CSMD3: variants seen among roughly 807,000 people sequenced by gnomAD.
CSMD3 encodes CUB and sushi domain-containing protein 3.
CSMD3 carries 177 observed loss-of-function variants against 435.2 expected under a neutral mutation model. That is an observed-to-expected ratio of 0.41 (90% CI 0.36 to 0.46). CSMD3 has a LOEUF of 0.46. Among genes scored for constraint, CSMD3 ranks in the 20% least tolerant of loss-of-function variants. The pLI is 0.34. For missense variants in CSMD3, 4,265 were observed against 4,504.6 expected (o/e 0.95, Z 1.52); for synonymous variants, 1,656 against 1,520.5 (o/e 1.09, Z -2.07).
intron 3 of CSMD3, among the ~76,000 whole-genome samples, chr8:113,248,893 T>A (rs1346382647): frequency 2.6e-5 from 4 of 151,962 alleles, no homozygotes; most frequent in Non-Finnish European, 5.9e-5. Flanking sequence ...AACTGTCAAC[T>A]TTCCTGACAA....
At chr8:112,541,390 G>A (rs558041173) in intron 27 of CSMD3, among the ~76,000 whole-genome samples, 1 of 151,766 alleles carries the variant, frequency 6.6e-6, no homozygotes, top group African/African-American at 2.4e-5. Flanking sequence ...CAAGAAAAAT[G>A]AGATAAGACT....
intron 13 of CSMD3, among the ~76,000 whole-genome samples, chr8:112,770,062 T>A (rs976177333): frequency 6.6e-6 from 1 of 152,014 alleles, no homozygotes; most frequent in Admixed American, 6.6e-5. Flanking sequence ...GCTTTCAAAT[T>A]ATTGCAAATA....
intron 3 of CSMD3, among the ~76,000 whole-genome samples, chr8:113,241,392 G>A (rs1010177096): frequency 1.1e-4 from 16 of 151,922 alleles, no homozygotes; most frequent in African/African-American, 3.9e-4. Flanking sequence ...GTGGGTCCCT[G>A]AAAAGATAAG....
chr8:112,768,875 A>G (rs1358339694), intron 13 of CSMD3, among the ~76,000 whole-genome samples: 1 of 151,860 alleles, frequency 6.6e-6, no homozygotes, highest in Admixed American at 6.6e-5. Context: ...TTAAATCAGT[A>G]GTCAGTTTTC....
intron 56 of CSMD3, among the ~76,000 whole-genome samples, chr8:112,290,817 T>C (rs570559576): frequency 1.3e-5 from 2 of 152,032 alleles, no homozygotes; most frequent in Non-Finnish European, 2.9e-5. Context: ...TCTAGTTCAA[T>C]TTGAGGCCTA....
chr8:113,310,984 C>T (rs1273522032), intron 2 of CSMD3: 1 of 151,824 alleles, frequency 6.6e-6, no homozygotes, highest in East Asian at 1.9e-4. Context: ...ATTCTAATCA[C>T]ACATTAGACA....
chr8:113,376,959 A>G, intron 1 of CSMD3: 1 of 1,410,948 alleles, frequency 7.1e-7, no homozygotes, highest in Non-Finnish European at 9.5e-7. Flanking sequence ...AGGTGCCCAA[A>G]CTAAAGGTGT....
chr8:112,582,801 C>T (rs551912587), intron 23 of CSMD3, among the ~76,000 whole-genome samples: 2 of 151,912 alleles, frequency 1.3e-5, no homozygotes, highest in Non-Finnish European at 2.9e-5. Flanking sequence ...GGGCAGAGTT[C>T]GTAAATGGAA....
At chr8:112,875,288 C>T (rs866289568) in intron 10 of CSMD3, among the ~76,000 whole-genome samples, 8 of 152,168 alleles carry the variant, frequency 5.3e-5, no homozygotes, top group Non-Finnish European at 4.4e-5. Flanking sequence ...GAGAGTTCCA[C>T]CGTTAGTCTA....
chr8:112,437,210 T>G (rs1814454482), intron 32 of CSMD3, among the ~76,000 whole-genome samples: 1 of 151,974 alleles, frequency 6.6e-6, no homozygotes, highest in African/African-American at 2.4e-5. Flanking sequence ...TTTCACTGTT[T>G]TAGATGTTTC....
intron 52 of CSMD3, among the ~76,000 whole-genome samples, chr8:112,304,377 GTTT>G (rs75534103): frequency 1.4e-5 from 2 of 141,548 alleles, no homozygotes. Flanking sequence ...TGGGGCAAAG[GTTT>G]TTTTTTTTTT....
intron 13 of CSMD3, among the ~76,000 whole-genome samples, chr8:112,769,063 C>A (rs935991235): frequency 6.6e-6 from 1 of 151,806 alleles, no homozygotes; most frequent in Admixed American, 6.6e-5. Context: ...AATTGTTTTT[C>A]CCTGAACCTA....
At chr8:113,388,398 G>GA (rs145320921) in intron 1 of CSMD3, among the ~76,000 whole-genome samples, 2,130 of 150,554 alleles carry the variant, frequency 0.014, 50 homozygotes, top group African/African-American at 0.049. Flanking sequence ...ACTATCTCCT[G>GA]AAAAAAAAAT....
chr8:112,659,503 A>G (rs908876076), intron 17 of CSMD3, among the ~76,000 whole-genome samples: 3 of 152,176 alleles, frequency 2.0e-5, no homozygotes, highest in Admixed American at 1.3e-4. Flanking sequence ...AAATTGAGAT[A>G]GTCCTCATTA....
intron 35 of CSMD3, among the ~76,000 whole-genome samples, chr8:112,406,278 A>G (rs1339213329): frequency 6.6e-6 from 1 of 152,138 alleles, no homozygotes; most frequent in Non-Finnish European, 1.5e-5. Flanking sequence ...ATCCACATAA[A>G]TCCATATAAA....
chr8:113,329,227 A>G (rs185273422), intron 1 of CSMD3, among the ~76,000 whole-genome samples: 1 of 151,144 alleles, frequency 6.6e-6, no homozygotes, highest in African/African-American at 2.4e-5. Flanking sequence ...AAATAAATAA[A>G]TAAATAAGGA....
At chr8:112,378,897 A>T (rs1295560347) in intron 38 of CSMD3, among the ~76,000 whole-genome samples, 6 of 152,180 alleles carry the variant, frequency 3.9e-5, no homozygotes, top group Non-Finnish European at 7.3e-5. Context: ...ATACATGTAC[A>T]AAAACATCAC....
At chr8:113,255,803 T>G (rs1162452936) in intron 3 of CSMD3, among the ~76,000 whole-genome samples, 1 of 151,836 alleles carries the variant, frequency 6.6e-6, no homozygotes, top group Admixed American at 6.6e-5. Context: ...TAAGTGTATT[T>G]CCTATAATAT....
At chr8:113,141,149 G>C (rs936389972) in intron 4 of CSMD3, among the ~76,000 whole-genome samples, 1 of 150,608 alleles carries the variant, frequency 6.6e-6, no homozygotes, top group East Asian at 1.9e-4. Flanking sequence ...TTGTGCTATA[G>C]TAATTAAGGA....
Sources: gnomAD v4.1 joint callset for allele counts (sites outside exome capture counted in the v4.1 genomes callset) on GRCh38, gnomAD v4.1.1 for gene constraint, MANE v1.5 for transcripts, NCBI Gene and HGNC (gene_info 2026-07-23, HGNC 2026-07-21) for gene names.